TRAPPC13: variants seen among roughly 807,000 people sequenced by gnomAD.
The protein encoded by TRAPPC13 is trafficking protein particle complex subunit 13, also known as REV7-interacting novel NHEJ regulator 1.
In TRAPPC13, 39 loss-of-function variants were observed where a neutral mutation model predicts 54.0. The ratio of observed to expected loss-of-function variants is 0.72; its 90% CI spans 0.56 to 0.94. The LOEUF is 0.94. TRAPPC13 is among the 40% of genes least tolerant of loss of function. The pLI is 0.00. For synonymous variants in TRAPPC13, 148 were observed against 167.7 expected (o/e 0.88, Z 0.91); for missense variants, 386 against 488.1 (o/e 0.79, Z 1.97).
At chr5:65,629,814 A>G (rs1247102375) in intron 1 of TRAPPC13, 2 of 1,535,992 alleles carry the variant, frequency 1.3e-6, no homozygotes, top group Admixed American at 2.0e-5. Context: ...ACCATTTCAG[A>G]ACATGATGCT....
At chr5:65,644,903 A>C (rs562542859) in intron 4 of TRAPPC13, among the ~76,000 whole-genome samples, 1 of 148,766 alleles carries the variant, frequency 6.7e-6, no homozygotes, top group South Asian at 2.1e-4. Flanking sequence ...AAAAATGTTT[A>C]AAAACTTTTA....
intron 1 of TRAPPC13, chr5:65,635,046 G>A (rs944973210): frequency 3.0e-6 from 2 of 662,500 alleles, no homozygotes; most frequent in Non-Finnish European, 3.7e-6. Flanking sequence ...TTTCTATAAT[G>A]AATGCATATT....
chr5:65,656,467 TA>T (rs1190901290), intron 8 of TRAPPC13, among the ~76,000 whole-genome samples: 1 of 152,194 alleles, frequency 6.6e-6, no homozygotes, highest in African/African-American at 2.4e-5. Context: ...TGCATTTTTT[TA>T]AACTGATAAA....
intron 4 of TRAPPC13, among the ~76,000 whole-genome samples, chr5:65,640,940 CT>C (rs5868413): frequency 0.7 from 103,448 of 147,064 alleles, 37,690 homozygotes; most frequent in African/African-American, 0.92. Context: ...CTTTTTCTTT[CT>C]TTTTTTTTTT....
chr5:65,633,582 ACTTTTAATAATGAACTAGC>A (rs1299930803), intron 1 of TRAPPC13, among the ~76,000 whole-genome samples: 2 of 152,066 alleles, frequency 1.3e-5, no homozygotes, highest in African/African-American at 4.8e-5. Context: ...TTGAAGGAAT[ACTTTTAATAATGAACTAGC>A]CCTCTGTGAT....
chr5:65,642,651 A>G (rs115539162), intron 4 of TRAPPC13, among the ~76,000 whole-genome samples: 138 of 152,278 alleles, frequency 9.1e-4, no homozygotes, highest in Non-Finnish European at 1.3e-3. Flanking sequence ...GAAGATTCAA[A>G]TGCATAGCAT....
Position 65,656,415 on chromosome 5 carries a change from A to G in TRAPPC13, c.564+762A>G, listed in dbSNP as rs796787863. Among the ~76,000 whole-genome samples, 6 of 152,154 alleles carry G rather than the reference A, an allele frequency of 3.9e-5. No homozygotes were observed. In the South Asian group the frequency reaches 6.2e-4, roughly 16 times the overall value. On this transcript the variant is annotated intron_variant, in intron 8 of 12. Coordinates refer to ENST00000399438, the MANE Select transcript of TRAPPC13 (RefSeq NM_024941.4). ...AGCAATGGATTGATGGGATATATGT[A>G]CTTTTTTTTAGAACCAGTAACCAAA...
At chr5:65,642,979 T>C (rs555406527) in intron 4 of TRAPPC13, among the ~76,000 whole-genome samples, 9 of 152,324 alleles carry the variant, frequency 5.9e-5, no homozygotes, top group African/African-American at 1.7e-4. Context: ...TTGTTGAACA[T>C]CCCAAACACC....
chr5:65,634,706 CATG>C (rs1373546694), intron 1 of TRAPPC13, among the ~76,000 whole-genome samples: 1 of 150,260 alleles, frequency 6.7e-6, no homozygotes, highest in East Asian at 2.0e-4. Context: ...GCCTGGCCAA[CATG>C]GTGAAACCCC....
intron 4 of TRAPPC13, among the ~76,000 whole-genome samples, chr5:65,645,151 T>C (rs1756134812): frequency 7.2e-6 from 1 of 138,998 alleles, no homozygotes; most frequent in Non-Finnish European, 1.5e-5. Context: ...TCAGCCGAGA[T>C]CATGCCATTG....
chr5:65,659,247 T>G (rs1756762500), intron 9 of TRAPPC13, among the ~76,000 whole-genome samples: 1 of 152,216 alleles, frequency 6.6e-6, no homozygotes, highest in Admixed American at 6.5e-5. Flanking sequence ...GGGACTATAG[T>G]CAAGCACTGT....
intron 4 of TRAPPC13, among the ~76,000 whole-genome samples, chr5:65,640,884 G>C (rs1019910337): frequency 3.3e-5 from 5 of 151,526 alleles, no homozygotes; most frequent in African/African-American, 1.2e-4. Context: ...GGGGTCTTAG[G>C]CTCAACTAGA....
At chr5:65,630,042 T>C (rs1755462161) in intron 1 of TRAPPC13, 2 of 1,535,924 alleles carry the variant, frequency 1.3e-6, no homozygotes. Flanking sequence ...TCTAAAAAAT[T>C]GCAAGATAGT....
chr5:65,636,138 A>C, intron 3 of TRAPPC13, 95 bp downstream of exon 3: 1 of 722,910 alleles, frequency 1.4e-6, no homozygotes, highest in Non-Finnish European at 2.2e-6. Context: ...CTCATGATAC[A>C]TTTACCTTTT....
chr5:65,645,960 A>C (rs774713011), intron 4 of TRAPPC13, among the ~76,000 whole-genome samples: 3 of 152,048 alleles, frequency 2.0e-5, no homozygotes, highest in Non-Finnish European at 4.4e-5. Flanking sequence ...TCATAAATTC[A>C]TCCATTCATT....
intron 4 of TRAPPC13, among the ~76,000 whole-genome samples, chr5:65,643,270 T>G (rs530709664): frequency 6.6e-6 from 1 of 152,230 alleles, no homozygotes; most frequent in South Asian, 2.1e-4. Context: ...TGATGTCTTA[T>G]GACCCAATAT....
intron 4 of TRAPPC13, 102 bp from the exon 5 acceptor site, chr5:65,646,953 T>G: frequency 9.0e-7 from 1 of 1,117,316 alleles, no homozygotes; most frequent in Non-Finnish European, 1.2e-6. Context: ...CATCCTTCTT[T>G]CCTAATTCTT....
In TRAPPC13 at chr5:65,666,149, AT is replaced by A. The variant is rs1757031820; in HGVS notation, c.*1540del. ...TATAGCCACTGCATTGGATACTTGG[AT>A]TGTTTTTCAAGCATCTTCTTATGAC... is the stretch of plus-strand genomic sequence containing the variant. On this transcript the variant is annotated 3_prime_UTR_variant, in exon 13 of 13. Coordinates refer to ENST00000399438, the MANE Select transcript of TRAPPC13 (RefSeq NM_024941.4). 6.6e-6 allele frequency: 1 copy of A among 152,582 alleles called. No homozygotes were observed. Among genetic ancestry groups the A allele is most frequent in the Non-Finnish European group, 1.5e-5 (1 of 67,996 alleles). The allele number at this position is 152,582 out of a possible 1,614,324, so 9.5% of individuals were successfully genotyped here. A position where few individuals can be genotyped will look rare whatever the true frequency, so the allele number is the denominator to read the frequency against.
At position 65,658,438 on chromosome 5, in the gene TRAPPC13, C is replaced by A; in HGVS notation, c.635C>A (p.Ser212Ter). 1 of 1,592,860 alleles carries A rather than the reference C, an allele frequency of 6.3e-7. No homozygotes were observed. Among genetic ancestry groups the A allele is most frequent in the Non-Finnish European group, 8.6e-7 (1 of 1,167,970 alleles). ...TTSPMFMEKV[S>*]LEPSIMYNVT... ...TCACCTATGTTTATGGAGAAGGTTT[C>A]ACTGGAGCCATCTATTATGTACAAT... Residue 212 changes from serine to a stop codon, truncating the protein, a stop_gained, in exon 9 of 13, where the codon TCA becomes TAA. Transcript: ENST00000399438. LOFTEE classifies it high-confidence loss of function.
Sources: gnomAD v4.1 joint callset for allele counts (sites outside exome capture counted in the v4.1 genomes callset) on GRCh38, gnomAD v4.1.1 for gene constraint, MANE v1.5 for transcripts, NCBI Gene and HGNC (gene_info 2026-07-23, HGNC 2026-07-21) for gene names.